The following AZIN2 variants were observed in gnomAD, a reference collection of about 807,000 sequenced individuals.
AZIN2 encodes antizyme inhibitor 2.
AZIN2 carries 28 observed loss-of-function variants against 47.8 expected under a neutral mutation model. The ratio of observed to expected loss-of-function variants is 0.59; its 90% CI spans 0.43 to 0.80. The LOEUF (loss-of-function observed/expected upper bound fraction) is 0.80, where lower values mean the gene tolerates loss of function less well. Ranked by LOEUF, AZIN2 falls within the 30% of genes least tolerant of loss-of-function variation. AZIN2 has a pLI of 0.00. For missense variants in AZIN2, 535 were observed against 582.5 expected, an observed-to-expected ratio of 0.92 and a Z score of 0.84; for synonymous variants, 221 against 239.4, an observed-to-expected ratio of 0.92 and a Z score of 0.71.
chr1:33,091,125 T>C (rs1642502198), intron 5 of AZIN2, among the ~76,000 whole-genome samples: 1 of 152,236 alleles, frequency 6.6e-6, no homozygotes, highest in Non-Finnish European at 1.5e-5. Context: ...CTTGCGTATC[T>C]TGGCGATTGT....
chr1:33,145,988 A>C, the AZIN2 span: 2 of 464,936 alleles, frequency 4.3e-6, no homozygotes, highest in Admixed American at 2.4e-5. Flanking sequence ...GGCAGGCCTC[A>C]GGACATCTAT....
rs981553548 is a variant in AZIN2, at chr1:33,121,735, C to T, written c.*1553C>T. ...CTGATGACACAAATCTACCTTCCAT[C>T]TCTATGGATTTGCTTATTCTGGACA... On this transcript the variant is annotated 3_prime_UTR_variant, in exon 12 of 12. Transcript: ENST00000294517. Among the ~76,000 whole-genome samples the T allele has an allele frequency of 1.3e-5, 2 of 152,224 alleles. No individual in the cohort carries two copies. Among genetic ancestry groups the T allele is most frequent in the Non-Finnish European group, 2.9e-5 (2 of 68,028 alleles).
At chr1:33,151,018 C>T in the AZIN2 span, among the ~76,000 whole-genome samples, 1 of 151,956 alleles carries the variant, frequency 6.6e-6, no homozygotes, top group African/African-American at 2.4e-5. Flanking sequence ...TGGTGCGGGG[C>T]GGGGGGTACC....
chr1:33,093,419 G>A lies in AZIN2; in HGVS notation c.587+3G>A, dbSNP rs1354018805. On this transcript the variant is annotated splice_donor_region_variant and intron_variant, in intron 7 of 11. Transcript: ENST00000294517. ...CATGTGGAGGTGGTGGGTGTGAGGT[G>A]AGCACTGGGAACCCCTGCCATCCCC... 3.7e-6 allele frequency: 6 copies of A among 1,612,698 alleles called. No individual in the cohort carries two copies. Among genetic ancestry groups the A allele is most frequent in the Non-Finnish European group, 5.1e-6 (6 of 1,179,292 alleles).
At chr1:33,146,674 A>G in the AZIN2 span, 4 of 166,506 alleles carry the variant, frequency 2.4e-5, no homozygotes, top group African/African-American at 9.6e-5. Context: ...CTCTCAGGCA[A>G]CCCTAGGACC....
the AZIN2 span, chr1:33,164,323 A>G: frequency 2.6e-5 from 4 of 152,260 alleles, no homozygotes; most frequent in African/African-American, 7.2e-5. Context: ...GGCCCAGCGC[A>G]TTCCTAAGGC....
At chr1:33,143,639 C>T in the AZIN2 span, among the ~76,000 whole-genome samples, 6 of 152,208 alleles carry the variant, frequency 3.9e-5, no homozygotes, top group Non-Finnish European at 8.8e-5. Context: ...TTCCCTCTCC[C>T]CAGCTCCAGG....
chr1:33,150,760 A>C, the AZIN2 span, among the ~76,000 whole-genome samples: 1 of 151,786 alleles, frequency 6.6e-6, no homozygotes, highest in Non-Finnish European at 1.5e-5. Context: ...CTGTAGGAGG[A>C]GTGTGTGGTA....
At chr1:33,145,870 A>G in the AZIN2 span, 2 of 471,046 alleles carry the variant, frequency 4.2e-6, no homozygotes, top group Middle Eastern at 3.2e-4. Context: ...TAGGGAAATG[A>G]CATTTCCCAG....
the AZIN2 span, among the ~76,000 whole-genome samples, chr1:33,149,769 T>C: frequency 6.6e-6 from 1 of 152,222 alleles, no homozygotes; most frequent in African/African-American, 2.4e-5. Context: ...ATTCTTTAGC[T>C]TTATTTGTGC....
At position 33,120,155 on chromosome 1, in the gene AZIN2, T is replaced by C; in HGVS notation, c.1356T>C (p.Pro452=). 6.2e-7 allele frequency: 1 copy of C among 1,612,104 alleles called. No individual in the cohort carries two copies. Among genetic ancestry groups the C allele is most frequent in the Middle Eastern group, 1.7e-4 (1 of 6,054 alleles). Residue 452 remains proline (P), a synonymous_variant, in exon 12 of 12, where the codon CCT becomes CCC. Coordinates refer to ENST00000294517, the MANE Select transcript of AZIN2 (RefSeq NM_052998.4). ...TCACAGACACCCTGTGCGTGGGCCC[T>C]GTCTTCACCCCAGCGAGCATCATGT... is the stretch of plus-strand genomic sequence containing the variant. The part of the protein sequence containing the change: ...WEITDTLCVG[P]VFTPASIM
rs1468509585 is a variant in AZIN2 at position 33,081,160 on chromosome 1, G to T, written c.-540G>T. 1 of 153,544 alleles carries T rather than the reference G, an allele frequency of 6.5e-6. No individual in the cohort carries two copies. Among genetic ancestry groups the T allele is most frequent in the Admixed American group, 6.5e-5 (1 of 15,294 alleles). 9.5% of individuals were successfully genotyped at this position (153,544 alleles called of 1,614,324 possible). On this transcript the variant is annotated 5_prime_UTR_variant, in exon 1 of 12. Transcript: ENST00000294517. The surrounding 1 kb of genome is among the most constrained non-coding windows in gnomAD (Gnocchi z 4.2). ...CGGCGGGCGGAAGGCGGGGCGTGGG[G>T]GTCTGTGGCTGCTGGGCTGGCGGGG... is the stretch of plus-strand genomic sequence containing the variant.
At chr1:33,130,548 G>A in the AZIN2 span, among the ~76,000 whole-genome samples, 12 of 152,256 alleles carry the variant, frequency 7.9e-5, no homozygotes, top group African/African-American at 2.6e-4. Context: ...GAGCTTGAAA[G>A]TAGATCCTCC....
chr1:33,155,367 G>A, the AZIN2 span, among the ~76,000 whole-genome samples: 2 of 151,992 alleles, frequency 1.3e-5, no homozygotes, highest in Non-Finnish European at 1.5e-5. Context: ...CACCATGCCC[G>A]GCCTCCCCTG....
At chr1:33,087,731 C>T (rs981827760) in intron 5 of AZIN2, among the ~76,000 whole-genome samples, 10 of 150,898 alleles carry the variant, frequency 6.6e-5, no homozygotes, top group Non-Finnish European at 1.3e-4. Flanking sequence ...CCACCACACC[C>T]GACTGGCAAT....
At chr1:33,163,887 G>C in the AZIN2 span, 1 of 152,946 alleles carries the variant, frequency 6.5e-6, no homozygotes, top group African/African-American at 2.4e-5. Flanking sequence ...ACTCGAGGGG[G>C]ATGTGGCCCC....
At chr1:33,165,392 T>A in the AZIN2 span, 14 of 1,142,148 alleles carry the variant, frequency 1.2e-5, no homozygotes, top group Middle Eastern at 3.0e-4. The surrounding 1 kb of genome is among the most constrained non-coding windows in gnomAD (Gnocchi z 4.0). Context: ...GCCCCGCCCC[T>A]CTTCCCCAGC....
intron 5 of AZIN2, among the ~76,000 whole-genome samples, chr1:33,089,827 C>G (rs1642332991): frequency 6.6e-6 from 1 of 152,210 alleles, no homozygotes; most frequent in South Asian, 2.1e-4. Flanking sequence ...TAAAATTAGA[C>G]TCTTATTACA....
intron 10 of AZIN2, among the ~76,000 whole-genome samples, chr1:33,112,724 ATTC>A (rs1251813020): frequency 1.9e-4 from 29 of 152,218 alleles, no homozygotes; most frequent in Admixed American, 1.9e-3. Flanking sequence ...TGATACAAAT[ATTC>A]TTTTGTATAA....
Sources: allele counts gnomAD v4.1 joint callset (sites outside exome capture counted in the v4.1 genomes callset), GRCh38; gene constraint gnomAD v4.1.1; non-coding constraint Gnocchi (gnomAD v3.1); transcripts MANE v1.5; gene names NCBI Gene and HGNC (gene_info 2026-07-23, HGNC 2026-07-21).